The following DLGAP2 variants were observed in gnomAD, a reference collection of about 807,000 sequenced individuals.
The protein encoded by DLGAP2 is DLG associated protein 2.
A neutral mutation model predicts 100.3 loss-of-function variants in DLGAP2; 26 were observed. The observed-to-expected ratio is 0.26, with a 90% confidence interval of 0.19 to 0.36. The LOEUF is 0.36. Among genes scored for constraint, DLGAP2 ranks in the 10% least tolerant of loss-of-function variants. The pLI is 1.00. For synonymous variants in DLGAP2, 886 were observed against 630.1 expected, an observed-to-expected ratio of 1.41 and a Z score of -6.08; for missense variants, 1,858 against 1,453.2, an observed-to-expected ratio of 1.28 and a Z score of -4.53.
At chr8:1,605,279 C>A (rs1796759103) in intron 6 of DLGAP2, among the ~76,000 whole-genome samples, 1 of 152,160 alleles carries the variant, frequency 6.6e-6, no homozygotes, top group Non-Finnish European at 1.5e-5. Flanking sequence ...CCCTACTACT[C>A]AGGGGAGTGG....
intron 3 of DLGAP2, among the ~76,000 whole-genome samples, chr8:1,376,887 G>A (rs888192116): frequency 2.0e-5 from 3 of 152,236 alleles, no homozygotes; most frequent in African/African-American, 4.8e-5. Flanking sequence ...TGGCCTCAGA[G>A]CAAGGCCCAC....
chr8:1,430,011 T>TATATATAC (rs1554467357), intron 3 of DLGAP2, among the ~76,000 whole-genome samples: 912 of 63,952 alleles, frequency 0.014, 124 homozygotes, highest in African/African-American at 0.048. Flanking sequence ...TATATACATA[T>TATATATAC]ATATATATAT....
At chr8:1,553,594 G>T (rs918520463) in intron 5 of DLGAP2, among the ~76,000 whole-genome samples, 1 of 152,086 alleles carries the variant, frequency 6.6e-6, no homozygotes, top group African/African-American at 2.4e-5. Context: ...GAGGGGGTGC[G>T]ATGAAAACGG....
intron 2 of DLGAP2, among the ~76,000 whole-genome samples, chr8:1,256,225 CCCTCTCCTGCCCGGGTGCTGTGTGTGTGT>C (rs1563044684): frequency 2.0e-5 from 1 of 50,938 alleles, no homozygotes; most frequent in African/African-American, 8.9e-5. Flanking sequence ...TGTGTGTGTG[CCCTCTCCTGCCCGGGTGCTGTGTGTGTGT>C]CCTCTCCTGC....
chr8:893,868 C>A (rs1402069479), intron 1 of DLGAP2, among the ~76,000 whole-genome samples: 1 of 152,264 alleles, frequency 6.6e-6, no homozygotes, highest in African/African-American at 2.4e-5. Flanking sequence ...CTTGCTGTGA[C>A]AATGCGGATG....
At chr8:1,359,206 C>T (rs1563104034) in intron 3 of DLGAP2, among the ~76,000 whole-genome samples, 1 of 152,206 alleles carries the variant, frequency 6.6e-6, no homozygotes, top group Non-Finnish European at 1.5e-5. Context: ...CAGACACCTC[C>T]TGGTAAACTC....
chr8:844,218 A>T (rs141600170), intron 1 of DLGAP2, among the ~76,000 whole-genome samples: 1 of 152,360 alleles, frequency 6.6e-6, no homozygotes, highest in East Asian at 1.9e-4. Context: ...TTAGGAAGTG[A>T]AGCTGAATCA....
chr8:1,477,984 G>A (rs928900171), intron 3 of DLGAP2, among the ~76,000 whole-genome samples: 3 of 152,270 alleles, frequency 2.0e-5, no homozygotes, highest in South Asian at 2.1e-4. Flanking sequence ...CTGGTTTAGC[G>A]CTGCCTGTCA....
intron 2 of DLGAP2, among the ~76,000 whole-genome samples, chr8:925,805 C>T (rs1020739413): frequency 3.3e-5 from 5 of 152,126 alleles, no homozygotes; most frequent in Non-Finnish European, 5.9e-5. Flanking sequence ...AGGAAGAGCC[C>T]ATGTGTCCAT....
intron 2 of DLGAP2, among the ~76,000 whole-genome samples, chr8:998,605 A>G (rs1421903478): frequency 6.6e-6 from 1 of 151,684 alleles, no homozygotes; most frequent in Admixed American, 6.6e-5. Context: ...GCCTGACCTC[A>G]TCTTTTTTAC....
At chr8:1,555,333 C>A (rs1022115639) in intron 5 of DLGAP2, among the ~76,000 whole-genome samples, 2 of 152,176 alleles carry the variant, frequency 1.3e-5, no homozygotes, top group African/African-American at 4.8e-5. Context: ...AAAGCGGTGA[C>A]CTCCGCTTCC....
intron 10 of DLGAP2, among the ~76,000 whole-genome samples, chr8:1,670,613 G>A (rs1798667314): frequency 6.6e-6 from 1 of 152,228 alleles, no homozygotes; most frequent in South Asian, 2.1e-4. Context: ...ATGGGTCGCT[G>A]GGTGCGTGCT....
chr8:1,475,667 A>T (rs1798910826), intron 3 of DLGAP2, among the ~76,000 whole-genome samples: 1 of 152,196 alleles, frequency 6.6e-6, no homozygotes, highest in African/African-American at 2.4e-5. Context: ...CGCAAGGCCG[A>T]GCGGAGAGGA....
At chr8:985,484 T>C (rs1279030366) in intron 2 of DLGAP2, among the ~76,000 whole-genome samples, 1 of 152,262 alleles carries the variant, frequency 6.6e-6, no homozygotes, top group Admixed American at 6.5e-5. Context: ...GTCTCAAAGA[T>C]GTTAATTTCC....
chr8:1,305,266 T>A (rs966722169), intron 3 of DLGAP2, among the ~76,000 whole-genome samples: 11 of 152,210 alleles, frequency 7.2e-5, no homozygotes, highest in Non-Finnish European at 8.8e-5. Context: ...AGACAGCATA[T>A]GTGAGGTGCC....
chr8:757,094 A>T (rs1820940167), intron 1 of DLGAP2, among the ~76,000 whole-genome samples: 1 of 151,986 alleles, frequency 6.6e-6, no homozygotes, highest in African/African-American at 2.4e-5. Flanking sequence ...CCCCACCTGG[A>T]ATACTCGTCA....
rs577575469 is a variant in DLGAP2 at position 1,081,426 on chromosome 8, A to G, written c.73+173460A>G. 9.0e-4 allele frequency among the ~76,000 whole-genome samples: 137 copies of G among 152,364 alleles called. 1 individual carries two copies. The highest frequency in any genetic ancestry group is 3.3e-3 in the African/African-American group (136 of 41,584). On this transcript the variant is annotated intron_variant, in intron 2 of 14. Coordinates refer to ENST00000637795, the MANE Select transcript of DLGAP2 (RefSeq NM_001346810.2). ...GAGTGCAGTGGCGCAGCCTTGGCTC[A>G]CTGCAACCTTCACCTCCCAGGTTCA...
chr8:1,146,992 G>A (rs1378428263), intron 2 of DLGAP2, among the ~76,000 whole-genome samples: 3 of 152,122 alleles, frequency 2.0e-5, no homozygotes, highest in Non-Finnish European at 4.4e-5. Flanking sequence ...ATTTCCAGAT[G>A]AATTTTAAAA....
chr8:1,069,991 C>A (rs567664801), intron 2 of DLGAP2, among the ~76,000 whole-genome samples: 1 of 152,230 alleles, frequency 6.6e-6, no homozygotes, highest in African/African-American at 2.4e-5. Context: ...ACATTAAACA[C>A]ACATTTAGCT....
Sources: allele counts gnomAD v4.1 joint callset (sites outside exome capture counted in the v4.1 genomes callset), GRCh38; gene constraint gnomAD v4.1.1; transcripts MANE v1.5; gene names NCBI Gene and HGNC (gene_info 2026-07-23, HGNC 2026-07-21).